Variants in DCC observed in about 807,000 individuals in gnomAD.
DCC encodes the protein netrin receptor DCC.
In DCC, 58 loss-of-function variants were observed where a neutral mutation model predicts 172.5. The observed-to-expected ratio is 0.34, with a 90% CI of 0.27 to 0.42. The LOEUF is 0.42. DCC is among the 10% of genes least tolerant of loss of function. The probability of loss-of-function intolerance (pLI) is 1.00; values close to 1 mark genes in which losing one functional copy is unlikely to be tolerated. For missense variants in DCC, 1,740 were observed against 1,791.0 expected (o/e 0.97, Z 0.51); for synonymous variants, 709 against 644.5 (o/e 1.10, Z -1.52).
intron 24 of DCC, among the ~76,000 whole-genome samples, chr18:53,462,155 A>AT (rs2045567145): frequency 2.6e-5 from 4 of 152,196 alleles, no homozygotes; most frequent in Admixed American, 2.6e-4. Flanking sequence ...TGGGTCTCTT[A>AT]TGAAACAGAA....
chr18:52,942,019 G>A (rs536435850), intron 5 of DCC, among the ~76,000 whole-genome samples: 2 of 152,262 alleles, frequency 1.3e-5, no homozygotes, highest in Admixed American at 6.5e-5. Flanking sequence ...CTTACCTCAG[G>A]TGGTGTGCCC....
intron 25 of DCC, among the ~76,000 whole-genome samples, chr18:53,471,641 C>A (rs2045697960): frequency 6.6e-6 from 1 of 152,116 alleles, no homozygotes; most frequent in Non-Finnish European, 1.5e-5. Context: ...ATCATGTAAC[C>A]TTCCCCTGTG....
Position 53,157,404 on chromosome 18 carries a change from C to T in DCC, c.1310C>T (p.Pro437Leu), listed in dbSNP as rs2054758429. The T allele has an allele frequency of 6.2e-7, 1 of 1,614,168 alleles. No individual in the cohort carries two copies. Among genetic ancestry groups the T allele is most frequent in the Non-Finnish European group, 8.5e-7 (1 of 1,180,012 alleles). The change falls in exon 8 of 29, where the codon CCT (proline) becomes CTT (leucine). Residue 437 changes from proline (P) to leucine (L), a missense_variant. Physicochemically the swap from Pro to Leu is moderately conservative, Grantham distance 98. Around this residue, in one of 2 missense-constraint regions of DCC, gnomAD observed 1,732 missense variants for 1,767.4 expected, o/e 0.98. Transcript: ENST00000442544. The part of the protein sequence containing the change: ...VLPSAPRDVV[P>L]VLVSSRFVRL... Reference sequence around the variant, plus strand: ...CCTTCGGCTCCCAGAGATGTGGTCCCTGTCTTGGTTTCCAGCCGATTTGTC... The same window carrying T: ...CCTTCGGCTCCCAGAGATGTGGTCCTTGTCTTGGTTTCCAGCCGATTTGTC...
chr18:52,433,450 T>C, intron 1 of DCC, among the ~76,000 whole-genome samples: 1 of 152,294 alleles, frequency 6.6e-6, no homozygotes, highest in East Asian at 1.9e-4. Flanking sequence ...AGTTTTGAGC[T>C]AATTCAGTGC....
intron 14 of DCC, among the ~76,000 whole-genome samples, chr18:53,338,301 T>C (rs1476399816): frequency 6.6e-6 from 1 of 152,178 alleles, no homozygotes; most frequent in Non-Finnish European, 1.5e-5. Flanking sequence ...ATAATAGTTG[T>C]TGTATAAATA....
At chr18:52,735,901 G>A (rs978561569) in intron 1 of DCC, among the ~76,000 whole-genome samples, 11 of 152,020 alleles carry the variant, frequency 7.2e-5, no homozygotes, top group African/African-American at 2.7e-4. Context: ...ATGACAAAGA[G>A]GTTTCAATAC....
intron 5 of DCC, among the ~76,000 whole-genome samples, chr18:53,023,147 A>G (rs1239950641): frequency 6.6e-6 from 1 of 151,982 alleles, no homozygotes; most frequent in Admixed American, 6.6e-5. Context: ...CATAGTAATT[A>G]GTACTACTTA....
At chr18:52,866,457 T>C (rs2039230794) in intron 2 of DCC, among the ~76,000 whole-genome samples, 1 of 152,266 alleles carries the variant, frequency 6.6e-6, no homozygotes, top group Non-Finnish European at 1.5e-5. Flanking sequence ...GGGGACAGCA[T>C]TGAATCTATA....
chr18:53,190,211 C>A (rs190103768), intron 9 of DCC, among the ~76,000 whole-genome samples: 1 of 152,142 alleles, frequency 6.6e-6, no homozygotes, highest in East Asian at 1.9e-4. Flanking sequence ...CAGGCATGAG[C>A]CGACATGTCT....
chr18:52,729,315 A>G (rs1341928042), intron 1 of DCC, among the ~76,000 whole-genome samples: 1 of 152,140 alleles, frequency 6.6e-6, no homozygotes, highest in Non-Finnish European at 1.5e-5. Flanking sequence ...GCTGGAGTGC[A>G]GTGGTGCAAT....
At chr18:53,067,033 T>C (rs1213121053) in intron 7 of DCC, among the ~76,000 whole-genome samples, 1 of 152,126 alleles carries the variant, frequency 6.6e-6, no homozygotes, top group Non-Finnish European at 1.5e-5. Flanking sequence ...AATCTGCCCC[T>C]GTGATCTAAT....
chr18:53,346,876 G>A (rs944498738), intron 15 of DCC, among the ~76,000 whole-genome samples: 1 of 152,142 alleles, frequency 6.6e-6, no homozygotes, highest in African/African-American at 2.4e-5. Flanking sequence ...TTAAGTTGTA[G>A]AATCTGAGTT....
chr18:52,835,639 T>A (rs1249742059), intron 2 of DCC, among the ~76,000 whole-genome samples: 1 of 152,206 alleles, frequency 6.6e-6, no homozygotes, highest in Non-Finnish European at 1.5e-5. Flanking sequence ...GGCTTCAGAG[T>A]AAATTCACTT....
chr18:52,839,018 A>G (rs9950718), intron 2 of DCC, among the ~76,000 whole-genome samples: 66,694 of 152,010 alleles, frequency 0.44, 14,809 homozygotes, highest in South Asian at 0.55. Context: ...ACCTTGACTG[A>G]AGCAGAGGAC....
intron 2 of DCC, among the ~76,000 whole-genome samples, chr18:52,855,165 C>G (rs1356772444): frequency 6.6e-6 from 1 of 152,208 alleles, no homozygotes; most frequent in African/African-American, 2.4e-5. Context: ...CTCCCAGGTT[C>G]TAGTGCTTTC....
chr18:53,267,762 G>A (rs540435805), intron 12 of DCC, among the ~76,000 whole-genome samples: 3 of 152,146 alleles, frequency 2.0e-5, no homozygotes, highest in Non-Finnish European at 2.9e-5. Context: ...CAATGTGCCC[G>A]GCCACATATT....
At chr18:53,380,320 T>C (rs1907620929) in intron 15 of DCC, among the ~76,000 whole-genome samples, 1 of 152,112 alleles carries the variant, frequency 6.6e-6, no homozygotes, top group African/African-American at 2.4e-5. Flanking sequence ...AAACCCTCAT[T>C]CTCTCTTGCT....
chr18:52,940,290 TAAGG>T (rs2040441022), intron 5 of DCC, among the ~76,000 whole-genome samples: 1 of 152,130 alleles, frequency 6.6e-6, no homozygotes, highest in East Asian at 1.9e-4. Context: ...GGCATCATGA[TAAGG>T]AAGAACAGTC....
chr18:53,167,308 A>G (rs2054936551), intron 8 of DCC, among the ~76,000 whole-genome samples: 1 of 152,226 alleles, frequency 6.6e-6, no homozygotes, highest in Non-Finnish European at 1.5e-5. Flanking sequence ...TACTTCTGAA[A>G]TGTAAAAATA....
Sources: gnomAD v4.1 joint callset for allele counts (sites outside exome capture counted in the v4.1 genomes callset) on GRCh38, gnomAD v4.1.1 for gene constraint, gnomAD v4.1.1 regional missense constraint, MANE v1.5 for transcripts, NCBI Gene and HGNC (gene_info 2026-07-23, HGNC 2026-07-21) for gene names.